Variants in SLC44A5 observed in about 807,000 individuals in gnomAD.
The protein encoded by SLC44A5 is choline transporter-like protein 5.
In SLC44A5, 57 loss-of-function variants were observed where a neutral mutation model predicts 101.8. That is an observed-to-expected ratio of 0.56 (90% CI 0.45 to 0.70). The LOEUF is 0.70. Among genes scored for constraint, SLC44A5 ranks in the 30% least tolerant of loss-of-function variants. The pLI is 0.00. For synonymous variants in SLC44A5, 281 were observed against 290.9 expected, an observed-to-expected ratio of 0.97 and a Z score of 0.35; for missense variants, 737 against 853.1, an observed-to-expected ratio of 0.86 and a Z score of 1.70.
chr1:75,422,874 T>C (rs1664093579), intron 2 of SLC44A5, among the ~76,000 whole-genome samples: 1 of 152,198 alleles, frequency 6.6e-6, no homozygotes, highest in Non-Finnish European at 1.5e-5. Context: ...CCATAGCTGC[T>C]TTCTATTAGG....
intron 2 of SLC44A5, among the ~76,000 whole-genome samples, chr1:75,468,474 G>GTAC (rs1666937337): frequency 6.6e-6 from 1 of 152,144 alleles, no homozygotes; most frequent in Admixed American, 6.5e-5. Context: ...ACACCATGTA[G>GTAC]TACTATTCAG....
At chr1:75,502,917 G>GC (rs1291094553) in intron 2 of SLC44A5, among the ~76,000 whole-genome samples, 1 of 152,002 alleles carries the variant, frequency 6.6e-6, no homozygotes, top group African/African-American at 2.4e-5. Context: ...AATTTGCTCT[G>GC]CCATGCCTCA....
At chr1:75,399,864 A>G (rs558874545) in intron 2 of SLC44A5, among the ~76,000 whole-genome samples, 20 of 152,176 alleles carry the variant, frequency 1.3e-4, no homozygotes, top group Non-Finnish European at 2.6e-4. Flanking sequence ...ATCTTTTTAC[A>G]AAAAAATACC....
chr1:75,508,224 G>T (rs1669378303), intron 2 of SLC44A5, among the ~76,000 whole-genome samples: 1 of 152,016 alleles, frequency 6.6e-6, no homozygotes, highest in African/African-American at 2.4e-5. Context: ...CCATTATATG[G>T]AAATTAAACA....
At chr1:75,490,930 T>TA (rs879312920) in intron 2 of SLC44A5, among the ~76,000 whole-genome samples, 1,525 of 147,940 alleles carry the variant, frequency 0.01, 18 homozygotes, top group South Asian at 0.013. Flanking sequence ...TCTACTTTTT[T>TA]AAAAAAAAAA....
chr1:75,278,689 A>G (rs1652134310), intron 5 of SLC44A5, among the ~76,000 whole-genome samples: 1 of 152,010 alleles, frequency 6.6e-6, no homozygotes, highest in Non-Finnish European at 1.5e-5. Context: ...AAGTGCTTAC[A>G]CCTACAGGTA....
chr1:75,557,317 G>A lies in SLC44A5; in HGVS notation c.-69-15801C>T, dbSNP rs573343103. 9.2e-5 allele frequency among the ~76,000 whole-genome samples: 14 copies of A among 152,224 alleles called. No homozygotes were observed. The South Asian group carries it at 2.9e-3, about 32-fold the overall frequency. ...ATTTGACACAGTGTAAGTGCATAGG[G>A]AGCATGTAGATGACTTTTTAGAGTA... On this transcript the variant is annotated intron_variant, in intron 1 of 23. Coordinates refer to ENST00000370859, the MANE Select transcript of SLC44A5 (RefSeq NM_001130058.2).
At chr1:75,654,953 G>A in the SLC44A5 span, among the ~76,000 whole-genome samples, 1 of 151,918 alleles carries the variant, frequency 6.6e-6, no homozygotes, top group South Asian at 2.1e-4. Flanking sequence ...GCCCCTTTGA[G>A]CTCCTTAATT....
At chr1:75,440,501 A>G (rs1040473371) in intron 2 of SLC44A5, among the ~76,000 whole-genome samples, 6 of 152,154 alleles carry the variant, frequency 3.9e-5, no homozygotes, top group African/African-American at 1.4e-4. Flanking sequence ...AAGCTAGGGT[A>G]AAGGATACCA....
chr1:75,615,386 A>T (rs1052977875), upstream of SLC44A5, among the ~76,000 whole-genome samples: 4 of 150,944 alleles, frequency 2.6e-5, no homozygotes, highest in Middle Eastern at 3.3e-3. Context: ...AAAAGAATAG[A>T]AGAGACCATG....
chr1:75,329,964 CT>C (rs1256641500), intron 4 of SLC44A5, among the ~76,000 whole-genome samples: 1 of 151,966 alleles, frequency 6.6e-6, no homozygotes, highest in Non-Finnish European at 1.5e-5. Context: ...ACCTCAAGAT[CT>C]CCTGGTTCAT....
intron 3 of SLC44A5, among the ~76,000 whole-genome samples, chr1:75,364,873 GT>G (rs1295523070): frequency 2.6e-5 from 4 of 151,756 alleles, no homozygotes; most frequent in South Asian, 2.1e-4. Flanking sequence ...TGCTACTGAA[GT>G]TTTCTACTAA....
chr1:75,406,535 T>C (rs1478009505), intron 2 of SLC44A5, among the ~76,000 whole-genome samples: 2 of 152,196 alleles, frequency 1.3e-5, no homozygotes, highest in Non-Finnish European at 2.9e-5. Context: ...GCTTTATCCC[T>C]GGGATGTAAG....
At chr1:75,273,766 G>A (rs1294172771) in intron 6 of SLC44A5, among the ~76,000 whole-genome samples, 1 of 151,958 alleles carries the variant, frequency 6.6e-6, no homozygotes, top group Non-Finnish European at 1.5e-5. Context: ...ATGTCCTGTT[G>A]GATTCAGTTA....
intron 1 of SLC44A5, among the ~76,000 whole-genome samples, chr1:75,586,641 C>T (rs11163751): frequency 0.29 from 44,647 of 151,588 alleles, 7,705 homozygotes; most frequent in East Asian, 0.77. Context: ...AATGGGAAGA[C>T]TACACCTTTG....
the SLC44A5 span, among the ~76,000 whole-genome samples, chr1:75,667,083 C>A: frequency 3.3e-5 from 5 of 152,190 alleles, no homozygotes; most frequent in South Asian, 1.0e-3. Flanking sequence ...GAAGTTCTGG[C>A]CAGGGCAATC....
At chr1:75,337,597 T>C (rs913034746) in intron 4 of SLC44A5, among the ~76,000 whole-genome samples, 1 of 152,182 alleles carries the variant, frequency 6.6e-6, no homozygotes, top group Admixed American at 6.5e-5. Context: ...GGCCTGAAGA[T>C]CTATTTTGTG....
chr1:75,565,049 T>G (rs1179381251), intron 1 of SLC44A5, among the ~76,000 whole-genome samples: 4 of 152,136 alleles, frequency 2.6e-5, no homozygotes, highest in African/African-American at 9.7e-5. Flanking sequence ...ATGTTGAGAA[T>G]CAGAAAATAA....
chr1:75,540,701 A>AT lies in SLC44A5; in HGVS notation c.13+733dup, dbSNP rs201317276. ...CTACTTTAACTTGTACTTATGCCAC[A>AT]TTTTTTTTTCATAGCAAGAGATAGA... On this transcript the variant is annotated intron_variant, in intron 2 of 23. Transcript: ENST00000370859. Among the ~76,000 whole-genome samples the AT allele has an allele frequency of 3.9e-3, 586 of 151,206 alleles. 7 individuals are homozygous for AT. The highest frequency in any genetic ancestry group is 0.013 in the African/African-American group (549 of 41,244).
Sources: allele counts gnomAD v4.1 joint callset (sites outside exome capture counted in the v4.1 genomes callset), GRCh38; gene constraint gnomAD v4.1.1; transcripts MANE v1.5; gene names NCBI Gene and HGNC (gene_info 2026-07-23, HGNC 2026-07-21).